The following KCNIP4 variants were observed in gnomAD, a reference collection of about 807,000 sequenced individuals.
The protein encoded by KCNIP4 is Kv channel-interacting protein 4.
A neutral mutation model predicts 34.0 loss-of-function variants in KCNIP4; 12 were observed. The ratio of observed to expected loss-of-function variants is 0.35; its 90% CI spans 0.23 to 0.57. The LOEUF is 0.57. Ranked by LOEUF, KCNIP4 falls within the 20% of genes least tolerant of loss-of-function variation. KCNIP4 has a pLI of 0.83. For synonymous variants in KCNIP4, 124 were observed against 102.2 expected (o/e 1.21, Z -1.29); for missense variants, 238 against 311.7 (o/e 0.76, Z 1.78).
At chr4:21,341,919 T>C (rs939338579) in intron 1 of KCNIP4, among the ~76,000 whole-genome samples, 2 of 152,184 alleles carry the variant, frequency 1.3e-5, no homozygotes, top group Non-Finnish European at 2.9e-5. Context: ...AAACTGAACA[T>C]TGTGCAGAAT....
chr4:21,580,595 C>A (rs1741131392), intron 1 of KCNIP4, among the ~76,000 whole-genome samples: 1 of 152,008 alleles, frequency 6.6e-6, no homozygotes, highest in Non-Finnish European at 1.5e-5. Flanking sequence ...ATGTGATTAT[C>A]CAAAAATTTT....
chr4:21,014,747 A>G (rs1292746590), intron 1 of KCNIP4, among the ~76,000 whole-genome samples: 1 of 152,208 alleles, frequency 6.6e-6, no homozygotes, highest in Non-Finnish European at 1.5e-5. Context: ...CCATTGACTC[A>G]GCAATTCTAC....
intron 8 of KCNIP4, among the ~76,000 whole-genome samples, chr4:20,730,970 G>T (rs1316559200): frequency 1.3e-5 from 2 of 152,166 alleles, no homozygotes; most frequent in Non-Finnish European, 2.9e-5. Flanking sequence ...GGAAATCCAA[G>T]TTGAGAGACA....
chr4:21,201,421 A>G (rs1756484434), intron 1 of KCNIP4, among the ~76,000 whole-genome samples: 1 of 152,058 alleles, frequency 6.6e-6, no homozygotes, highest in African/African-American at 2.4e-5. Flanking sequence ...GTGTTGTAGA[A>G]CTCCTAAGTG....
chr4:21,464,276 T>C (rs985085784), intron 1 of KCNIP4, among the ~76,000 whole-genome samples: 1 of 152,014 alleles, frequency 6.6e-6, no homozygotes, highest in African/African-American at 2.4e-5. Flanking sequence ...CTTTTTATAG[T>C]TTTTTAAGTT....
chr4:21,044,034 A>T (rs1742200266), intron 1 of KCNIP4, among the ~76,000 whole-genome samples: 1 of 152,130 alleles, frequency 6.6e-6, no homozygotes, highest in South Asian at 2.1e-4. Flanking sequence ...ATTCTACTCC[A>T]GGGTCCTGGA....
intron 1 of KCNIP4, among the ~76,000 whole-genome samples, chr4:21,717,357 CAT>C (rs1402527304): frequency 6.6e-6 from 1 of 152,126 alleles, no homozygotes; most frequent in African/African-American, 2.4e-5. Flanking sequence ...AGATTTTACA[CAT>C]GATTTTCACA....
chr4:21,589,141 C>A (rs1741902445), intron 1 of KCNIP4, among the ~76,000 whole-genome samples: 1 of 117,442 alleles, frequency 8.5e-6, no homozygotes, highest in Non-Finnish European at 1.8e-5. Context: ...TGTAGGGGCA[C>A]AAAAATGGAG....
intron 1 of KCNIP4, among the ~76,000 whole-genome samples, chr4:20,943,474 G>A (rs749238512): frequency 2.0e-5 from 3 of 152,182 alleles, no homozygotes; most frequent in Non-Finnish European, 4.4e-5. Context: ...ATTACTTGCT[G>A]CCCACTGAAG....
At chr4:21,653,446 T>C (rs1036758663) in intron 1 of KCNIP4, among the ~76,000 whole-genome samples, 9 of 152,354 alleles carry the variant, frequency 5.9e-5, no homozygotes, top group African/African-American at 2.2e-4. Context: ...ATATCAGTTT[T>C]ACAATGCCGT....
chr4:21,376,857 AATCAGTTAATAAATGC>A (rs550020029), intron 1 of KCNIP4, among the ~76,000 whole-genome samples: 36 of 152,222 alleles, frequency 2.4e-4, no homozygotes, highest in Non-Finnish European at 4.7e-4. Flanking sequence ...AGTGCCAGAG[AATCAGTTAATAAATGC>A]ATATGACAGA....
intron 1 of KCNIP4, among the ~76,000 whole-genome samples, chr4:21,538,635 G>T (rs1213146867): frequency 1.3e-5 from 2 of 152,068 alleles, no homozygotes; most frequent in Non-Finnish European, 2.9e-5. Flanking sequence ...CCCCATGCTT[G>T]TGTTTATATT....
Position 21,626,174 on chromosome 4 carries a change from A to T in KCNIP4, c.61+322397T>A, listed in dbSNP as rs370115109. Among the ~76,000 whole-genome samples the T allele has an allele frequency of 1.7e-3, 259 of 152,210 alleles. 9 individuals carry two copies. The South Asian group carries it at 0.047, about 28-fold the overall frequency. Reference sequence around the variant, plus strand: ...CAGGGGCTTACTTTGAAAAGTTCCTACCTAAGACTGAGCAGTTAAGGGAGG... The same window carrying T: ...CAGGGGCTTACTTTGAAAAGTTCCTTCCTAAGACTGAGCAGTTAAGGGAGG... On this transcript the variant is annotated intron_variant, in intron 1 of 8. Coordinates refer to ENST00000382152, the MANE Select transcript of KCNIP4 (RefSeq NM_025221.6).
chr4:21,385,816 A>C (rs1721975724), intron 1 of KCNIP4, among the ~76,000 whole-genome samples: 1 of 152,166 alleles, frequency 6.6e-6, no homozygotes, highest in Non-Finnish European at 1.5e-5. Context: ...TAACTGTGGA[A>C]TATCAGATAC....
chr4:20,901,968 A>T (rs1298049716), intron 1 of KCNIP4, among the ~76,000 whole-genome samples: 1 of 151,972 alleles, frequency 6.6e-6, no homozygotes, highest in East Asian at 1.9e-4. Flanking sequence ...GAATACTATC[A>T]TAGAGACCTG....
At chr4:21,669,392 C>A (rs1388543570) in intron 1 of KCNIP4, among the ~76,000 whole-genome samples, 1 of 152,222 alleles carries the variant, frequency 6.6e-6, no homozygotes, top group Non-Finnish European at 1.5e-5. Flanking sequence ...AGACACCATG[C>A]CCAGCCATAA....
intron 1 of KCNIP4, among the ~76,000 whole-genome samples, chr4:21,280,621 C>T (rs1476293838): frequency 6.6e-6 from 1 of 152,066 alleles, no homozygotes; most frequent in Non-Finnish European, 1.5e-5. Flanking sequence ...CCCAAAAGTC[C>T]AAATTTTCTT....
intron 5 of KCNIP4, among the ~76,000 whole-genome samples, chr4:20,739,150 T>C (rs1168643629): frequency 1.3e-5 from 2 of 152,206 alleles, no homozygotes; most frequent in Non-Finnish European, 2.9e-5. Context: ...AGATGCCACC[T>C]CTGGGGGCAG....
intron 1 of KCNIP4, among the ~76,000 whole-genome samples, chr4:21,763,968 A>C (rs933682970): frequency 2.0e-5 from 3 of 152,136 alleles, no homozygotes; most frequent in African/African-American, 7.2e-5. Flanking sequence ...CAGTGCCAGG[A>C]ACTCCAGATC....
Sources: gnomAD v4.1 joint callset for allele counts (sites outside exome capture counted in the v4.1 genomes callset) on GRCh38, gnomAD v4.1.1 for gene constraint, MANE v1.5 for transcripts, NCBI Gene and HGNC (gene_info 2026-07-23, HGNC 2026-07-21) for gene names.